KAT2A: variants seen among roughly 807,000 people sequenced by gnomAD.
The protein encoded by KAT2A is lysine acetyltransferase 2A, also known as histone acetyltransferase KAT2A.
In KAT2A, 42 loss-of-function variants were observed where a neutral mutation model predicts 95.2. That is an observed-to-expected ratio of 0.44 (90% CI 0.34 to 0.57). The LOEUF (loss-of-function observed/expected upper bound fraction) is 0.57. KAT2A is among the 20% of genes least tolerant of loss of function. KAT2A has a pLI of 0.01. For missense variants in KAT2A, 784 were observed against 1,126.3 expected (o/e 0.70, Z 4.35); for synonymous variants, 449 against 448.2 (o/e 1.00, Z -0.02).
Position 42,119,077 on chromosome 17 carries a change from G to T in KAT2A, c.1073+168C>A. ...ACCTGCCATCCCCAGACTAGTACTA[G>T]CAAGTTGCTTCTGGGCCATGGGCAA... On this transcript the variant is annotated intron_variant, in intron 6 of 17. Transcript: ENST00000225916. The surrounding 1 kb of genome is among the most constrained non-coding windows in gnomAD (Gnocchi z 5.3). 6.8e-7 allele frequency: 1 copy of T among 1,480,452 alleles called. No individual in the cohort carries two copies. The highest frequency in any genetic ancestry group is 2.6e-4 in the Middle Eastern group (1 of 3,894). 91.7% of individuals were successfully genotyped at this position (1,480,452 alleles called of 1,614,324 possible).
chr17:42,119,652 C>T lies in KAT2A; in HGVS notation c.766G>A (p.Glu256Lys). Reference sequence around the variant, plus strand: ...CAGAGCAAGAACATCTTTGAGAGCTCGAACATCGTCTGCCGCTCCCGGGGA... The same window carrying T: ...CAGAGCAAGAACATCTTTGAGAGCTTGAACATCGTCTGCCGCTCCCGGGGA... ...LAPRERQTMF[E>K]LSKMFLLCLN... The change falls in exon 5 of 18, where the codon GAG (glutamate) becomes AAG (lysine). Residue 256 changes from glutamate (E) to lysine (K), a missense_variant. Transcript: ENST00000225916. The surrounding 1 kb of genome is among the most constrained non-coding windows in gnomAD (Gnocchi z 5.3). 6.2e-7 allele frequency: 1 copy of T among 1,613,924 alleles called. No homozygotes were observed. The highest frequency in any genetic ancestry group is 8.5e-7 in the Non-Finnish European group (1 of 1,179,900).
Position 42,119,202 on chromosome 17 carries a change from G to A in KAT2A, c.1073+43C>T, listed in dbSNP as rs782290934. 2 of 1,563,818 alleles carry A rather than the reference G, an allele frequency of 1.3e-6. No individual in the cohort carries two copies. The highest frequency in any genetic ancestry group is 2.4e-5 in the South Asian group (2 of 83,980). ...GAAAAAAGGGGACAACAGGGAGGAT[G>A]TGAACTTGGGGCCAAATCCTGGTAG... On this transcript the variant is annotated intron_variant, in intron 6 of 17. Coordinates refer to ENST00000225916, the MANE Select transcript of KAT2A (RefSeq NM_021078.3). The surrounding 1 kb of genome is among the most constrained non-coding windows in gnomAD (Gnocchi z 5.3).
intron 12 of KAT2A, 132 bp from the exon 13 acceptor site, chr17:42,115,167 A>G: frequency 1.1e-6 from 1 of 923,266 alleles, no homozygotes; most frequent in Admixed American, 2.1e-5. Flanking sequence ...CTCCTGGGGC[A>G]CTGTGAGGGT....
chr17:42,121,335 G>T lies in KAT2A; in HGVS notation c.-31C>A, dbSNP rs995882659. 2 of 1,364,674 alleles carry T rather than the reference G, an allele frequency of 1.5e-6. No individual in the cohort carries two copies. Among genetic ancestry groups the T allele is most frequent in the Non-Finnish European group, 1.9e-6 (2 of 1,066,234 alleles). The allele number at this position is 1,364,674 out of a possible 1,614,324, so 84.5% of individuals were successfully genotyped here. ...CCCCCGCAGCGGAGAGCGGCGCCGCGCTCCCAGCCCTAGGGCCGCATGGGC... is the reference window on the plus strand; with the variant it reads ...CCCCCGCAGCGGAGAGCGGCGCCGCTCTCCCAGCCCTAGGGCCGCATGGGC... On this transcript the variant is annotated 5_prime_UTR_variant, in exon 1 of 18. Coordinates refer to ENST00000225916, the MANE Select transcript of KAT2A (RefSeq NM_021078.3).
chr17:42,114,245 G>A lies in KAT2A; in HGVS notation c.2209C>T (p.Leu737Phe). 1.2e-6 allele frequency: 2 copies of A among 1,600,544 alleles called. No homozygotes were observed. Among genetic ancestry groups the A allele is most frequent in the Non-Finnish European group, 1.7e-6 (2 of 1,172,148 alleles). Residue 737 changes from leucine to phenylalanine, a missense_variant, in exon 16 of 18, where the codon CTC becomes TTC. Coordinates refer to ENST00000225916, the MANE Select transcript of KAT2A (RefSeq NM_021078.3). This position sits in a 1 kb window ranked among gnomAD's most constrained non-coding sequence, Gnocchi z 6.0. The stretch of plus-strand genomic sequence containing the variant: ...TTGATTTGGGCCAGCAGGTTTTTGA[G>A]GGTTGTGTAGAGCTGGTCGGGGTCC... ...LKDPDQLYTT[L>F]KNLLAQIKSH...
chr17:42,113,676 G>C lies in KAT2A; in HGVS notation c.2487C>G (p.Leu829=), dbSNP rs1555665134. ...SALEKFFYFK[L]KEGGLIDK is the part of the protein sequence containing the mutation. ...ACTTGTCAATGAGGCCTCCCTCCTT[G>C]AGCTTGAAGTAGAAGAACTTCTCCA... is the stretch of plus-strand genomic sequence containing the variant. The change falls in exon 18 of 18, where the codon CTC becomes CTG. Residue 829 remains leucine (L), a synonymous_variant. Coordinates refer to ENST00000225916, the MANE Select transcript of KAT2A (RefSeq NM_021078.3). 6.2e-7 allele frequency: 1 copy of C among 1,611,148 alleles called. No individual in the cohort carries two copies. Among genetic ancestry groups the C allele is most frequent in the Non-Finnish European group, 8.5e-7 (1 of 1,179,164 alleles).
Position 42,119,478 on chromosome 17 carries a change from C to A in KAT2A, c.882-42G>T. 2 of 1,586,806 alleles carry A rather than the reference C, an allele frequency of 1.3e-6. No homozygotes were observed. Among genetic ancestry groups the A allele is most frequent in the Non-Finnish European group, 1.7e-6 (2 of 1,163,140 alleles). On this transcript the variant is annotated intron_variant, in intron 5 of 17. Transcript: ENST00000225916. This position sits in a 1 kb window ranked among gnomAD's most constrained non-coding sequence, Gnocchi z 5.3. ...AGGGGGAGACAGGTGAGGGCGGAAA[C>A]CACTGAACCCAGGCTGGGCCTGCAA...
chr17:42,115,249 T>C (rs2054238929), intron 12 of KAT2A, among the ~76,000 whole-genome samples: 1 of 141,862 alleles, frequency 7.0e-6, no homozygotes, highest in South Asian at 2.3e-4. Context: ...CCCCAGTTCC[T>C]CCAGCCTGCT....
intron 7 of KAT2A, 26 bp from the exon 8 acceptor site, chr17:42,118,043 A>AC: frequency 1.5e-6 from 2 of 1,296,224 alleles, no homozygotes; most frequent in Non-Finnish European, 1.0e-6. Flanking sequence ...GACGTCAGGG[A>AC]TGGGGGGCTG....
intron 11 of KAT2A, 36 bp downstream of exon 11, chr17:42,116,999 C>A (rs202179918): frequency 1.2e-6 from 2 of 1,611,250 alleles, no homozygotes; most frequent in Non-Finnish European, 1.7e-6. Context: ...AGGAGTGGGC[C>A]GTGGACTGGG....
Position 42,119,138 on chromosome 17 carries a change from A to G in KAT2A, c.1073+107T>C. The G allele has an allele frequency of 6.6e-7, 1 of 1,510,590 alleles. No individual in the cohort carries two copies. Among genetic ancestry groups the G allele is most frequent in the Non-Finnish European group, 8.8e-7 (1 of 1,130,690 alleles). The allele number at this position is 1,510,590 out of a possible 1,614,324, so 93.6% of individuals were successfully genotyped here. ...TAGACGCCCAGATCCCAAAAGGCCC[A>G]TGGAGGGAGAGGAGGGACCAATCCA... On this transcript the variant is annotated intron_variant, in intron 6 of 17. Transcript: ENST00000225916. This position sits in a 1 kb window ranked among gnomAD's most constrained non-coding sequence, Gnocchi z 5.3.
Position 42,119,791 on chromosome 17 carries a change from G to C in KAT2A, c.700-73C>G. On this transcript the variant is annotated intron_variant, in intron 4 of 17. Coordinates refer to ENST00000225916, the MANE Select transcript of KAT2A (RefSeq NM_021078.3). The surrounding 1 kb of genome is among the most constrained non-coding windows in gnomAD (Gnocchi z 5.3). ...GCCCGCAGGGCCTTCTTAGACAAAG[G>C]AAGATGCTCCCTGGCCAGGGACAAG... 1 of 1,320,698 alleles carries C rather than the reference G, an allele frequency of 7.6e-7. No individual in the cohort carries two copies. The highest frequency in any genetic ancestry group is 2.3e-5 in the Admixed American group (1 of 42,862). The allele number at this position is 1,320,698 out of a possible 1,614,324, so 81.8% of individuals were successfully genotyped here.
chr17:42,118,216 C>G, intron 7 of KAT2A, 81 bp downstream of exon 7: 1 of 1,147,194 alleles, frequency 8.7e-7, no homozygotes, highest in South Asian at 1.3e-5. Context: ...GGCCTCCGGC[C>G]CAGGTGAGCT....
Position 42,114,679 on chromosome 17 carries a change from C to T in KAT2A, c.2020-75G>A. 7.3e-7 allele frequency: 1 copy of T among 1,361,240 alleles called. No individual in the cohort carries two copies. The allele number at this position is 1,361,240 out of a possible 1,614,324, so 84.3% of individuals were successfully genotyped here. On this transcript the variant is annotated intron_variant, in intron 13 of 17. Coordinates refer to ENST00000225916, the MANE Select transcript of KAT2A (RefSeq NM_021078.3). The surrounding 1 kb of genome is among the most constrained non-coding windows in gnomAD (Gnocchi z 6.0). ...CCTCCCAGGGCCACAGTCGGAGCCA[C>T]TGGCTGCACCCACCCAGCTGCAACG...
chr17:42,113,875 G>A (rs2144025977), intron 17 of KAT2A, 33 bp from the exon 18 acceptor site: 2 of 1,538,818 alleles, frequency 1.3e-6, no homozygotes, highest in African/African-American at 1.4e-5. Flanking sequence ...ACAGCTTTAA[G>A]AGGCTGAAGA....
At chr17:42,115,509 C>T (rs2054245164) in intron 12 of KAT2A, among the ~76,000 whole-genome samples, 1 of 151,516 alleles carries the variant, frequency 6.6e-6, no homozygotes, top group Admixed American at 6.6e-5. Context: ...TACTGACCCC[C>T]AGTTCCTCCG....
rs1555666758 is a variant in KAT2A at position 42,119,248 on chromosome 17, G to T, written c.1070C>A (p.Pro357His). The T allele has an allele frequency of 6.2e-7, 1 of 1,602,596 alleles. No homozygotes were observed. The highest frequency in any genetic ancestry group is 8.5e-7 in the Non-Finnish European group (1 of 1,171,774). ...GGTAGGCCAGAAGGAGCCTTACTTG[G>T]GGAAGTGAGTGAGGATGAGGGTCCT... ...EKRTLILTHF[P>H]KFLSMLEEEI... The change falls in exon 6 of 18, where the codon CCC becomes CAC. Residue 357 changes from proline (P) to histidine (H), a missense_variant. This residue lies in a region of KAT2A where 2 missense variants were observed against 21.4 expected (regional missense o/e 0.09). Transcript: ENST00000225916. This position sits in a 1 kb window ranked among gnomAD's most constrained non-coding sequence, Gnocchi z 5.3.
chr17:42,121,089 G>T lies in KAT2A; in HGVS notation c.216C>A (p.Ser72Arg). ...GGCCAGGTCGAGCCGGATCCCCCCCGCTCCCGGCCCCCCCACTTCCTACCC... is the reference window on the plus strand; with the variant it reads ...GGCCAGGTCGAGCCGGATCCCCCCCTCTCCCGGCCCCCCCACTTCCTACCC... ...GPGVGSGGAGSGGDPARPGLS... is the reference protein window; with the variant it reads ...GPGVGSGGAGRGGDPARPGLS... The change falls in exon 1 of 18, where the codon AGC (serine) becomes AGA (arginine). Residue 72 changes from serine (S) to arginine (R), a missense_variant. Ser to Arg is a moderately radical substitution (Grantham distance 110). Coordinates refer to ENST00000225916, the MANE Select transcript of KAT2A (RefSeq NM_021078.3). 1 of 1,544,894 alleles carries T rather than the reference G, an allele frequency of 6.5e-7. No individual in the cohort carries two copies. The highest frequency in any genetic ancestry group is 8.7e-7 in the Non-Finnish European group (1 of 1,147,120).
intron 11 of KAT2A, 151 bp from the exon 12 acceptor site, chr17:42,115,984 G>A: frequency 7.7e-6 from 5 of 649,372 alleles, no homozygotes; most frequent in East Asian, 5.3e-5. Context: ...GCTGACAGAG[G>A]AAGGGGAGCT....
Sources: allele counts gnomAD v4.1 joint callset (sites outside exome capture counted in the v4.1 genomes callset), GRCh38; gene constraint gnomAD v4.1.1; regional missense constraint gnomAD v4.1.1; non-coding constraint Gnocchi (gnomAD v3.1); transcripts MANE v1.5; gene names NCBI Gene and HGNC (gene_info 2026-07-23, HGNC 2026-07-21).